CDC20B: variants seen among roughly 807,000 people sequenced by gnomAD.
CDC20B encodes cell division cycle 20B.
In CDC20B, 58 loss-of-function variants were observed where a neutral mutation model predicts 64.1. The ratio of observed to expected loss-of-function variants is 0.90; its 90% confidence interval spans 0.73 to 1.13. The LOEUF is 1.13. CDC20B is among the 50% of genes most tolerant of loss of function. The probability of loss-of-function intolerance (pLI) is 0.00; values close to 1 mark genes in which losing one functional copy is unlikely to be tolerated. For missense variants in CDC20B, 597 were observed against 633.0 expected, an observed-to-expected ratio of 0.94 and a Z score of 0.61; for synonymous variants, 243 against 230.6, an observed-to-expected ratio of 1.05 and a Z score of -0.49.
chr5:55,154,274 TG>T (rs2111911231), intron 2 of CDC20B, among the ~76,000 whole-genome samples: 1 of 152,228 alleles, frequency 6.6e-6, no homozygotes, highest in Non-Finnish European at 1.5e-5. Context: ...CTAAGCATTT[TG>T]GGGGGCCAGT....
intron 9 of CDC20B, among the ~76,000 whole-genome samples, chr5:55,121,533 G>A (rs2111803149): frequency 6.6e-6 from 1 of 152,136 alleles, no homozygotes; most frequent in South Asian, 2.1e-4. Flanking sequence ...TTTTGTGCGT[G>A]TGTTTTATTT....
At chr5:55,145,433 T>C (rs1743443589) in intron 3 of CDC20B, among the ~76,000 whole-genome samples, 1 of 152,252 alleles carries the variant, frequency 6.6e-6, no homozygotes, top group African/African-American at 2.4e-5. Flanking sequence ...AAAAGAATTA[T>C]GTTGCCTAGG....
At chr5:55,133,211 C>G (rs1003839910) in intron 6 of CDC20B, among the ~76,000 whole-genome samples, 1 of 152,148 alleles carries the variant, frequency 6.6e-6, no homozygotes, top group South Asian at 2.1e-4. Context: ...TTTCCCACAC[C>G]ATGCCAACAT....
At chr5:55,147,243 CAT>C (rs1163334873) in intron 2 of CDC20B, among the ~76,000 whole-genome samples, 2 of 113,870 alleles carry the variant, frequency 1.8e-5, no homozygotes, top group African/African-American at 6.9e-5. Flanking sequence ...ATTATATAAA[CAT>C]AAATATGTTA....
At chr5:55,124,678 T>G in intron 9 of CDC20B, 125 bp downstream of exon 9, 1 of 867,744 alleles carries the variant, frequency 1.2e-6, no homozygotes, top group Non-Finnish European at 1.7e-6. Flanking sequence ...GATGACAAAC[T>G]CCAAAGCAAA....
chr5:55,125,520 G>T (rs1742863535), intron 8 of CDC20B, among the ~76,000 whole-genome samples: 1 of 152,110 alleles, frequency 6.6e-6, no homozygotes, highest in African/African-American at 2.4e-5. Context: ...TCTTAGTTTT[G>T]CTAAAGAACT....
At chr5:55,132,331 G>A (rs1470435416) in intron 6 of CDC20B, among the ~76,000 whole-genome samples, 7 of 152,074 alleles carry the variant, frequency 4.6e-5, no homozygotes, top group Non-Finnish European at 1.5e-5. Context: ...CTCATCTAGG[G>A]AGCTTACACT....
At chr5:55,171,903 T>A (rs1744610788) in intron 2 of CDC20B, among the ~76,000 whole-genome samples, 1 of 152,156 alleles carries the variant, frequency 6.6e-6, no homozygotes, top group Non-Finnish European at 1.5e-5. Flanking sequence ...CAGTGCCTAG[T>A]TGCAAAATTT....
At chr5:55,132,158 T>C (rs987065974) in intron 6 of CDC20B, among the ~76,000 whole-genome samples, 4 of 152,204 alleles carry the variant, frequency 2.6e-5, no homozygotes, top group Non-Finnish European at 4.4e-5. Flanking sequence ...TTTTTGAAAA[T>C]CCATCCTTCT....
intron 2 of CDC20B, among the ~76,000 whole-genome samples, chr5:55,157,625 T>C (rs1743852392): frequency 6.6e-6 from 1 of 152,234 alleles, no homozygotes; most frequent in Non-Finnish European, 1.5e-5. Context: ...GCCTGCATAA[T>C]GTTTTATTTC....
Position 55,127,289 on chromosome 5 carries a change from C to A in CDC20B, c.957G>T (p.Gly319=), listed in dbSNP as rs771193908. 3.1e-6 allele frequency: 5 copies of A among 1,613,968 alleles called. No homozygotes were observed. In the African/African-American group the frequency reaches 5.3e-5, roughly 17 times the overall value. Reference sequence around the variant, plus strand: ...GGATAAAGTGATTCCAGCTCAGAGCCCCAACTACTGACAAATGACCAAGCA... The same window carrying A: ...GGATAAAGTGATTCCAGCTCAGAGCACCAACTACTGACAAATGACCAAGCA... The part of the protein sequence containing the change: ...RNMLGHLSVV[G]ALSWNHFILS... The change falls in exon 8 of 12, where the codon GGG becomes GGT. Residue 319 remains glycine, a synonymous_variant. Coordinates refer to ENST00000381375, the MANE Select transcript of CDC20B (RefSeq NM_001170402.1).
At chr5:55,118,586 C>G (rs942828317) in intron 11 of CDC20B, among the ~76,000 whole-genome samples, 10 of 152,134 alleles carry the variant, frequency 6.6e-5, no homozygotes, top group African/African-American at 2.4e-4. Context: ...TGTAAACAAC[C>G]AGGTTTTAAG....
chr5:55,122,525 C>T (rs1742783856), intron 9 of CDC20B, among the ~76,000 whole-genome samples: 1 of 152,182 alleles, frequency 6.6e-6, no homozygotes, highest in African/African-American at 2.4e-5. Flanking sequence ...TTCTGAGCCT[C>T]GCCCATTCCC....
intron 4 of CDC20B, 43 bp downstream of exon 4, chr5:55,143,470 C>G (rs765976968): frequency 6.6e-7 from 1 of 1,521,514 alleles, no homozygotes; most frequent in Non-Finnish European, 8.8e-7. Context: ...GTTGTCTCAG[C>G]TTCTCTAGAT....
At chr5:55,145,474 A>G (rs1208133092) in intron 3 of CDC20B, among the ~76,000 whole-genome samples, 2 of 152,250 alleles carry the variant, frequency 1.3e-5, no homozygotes, top group African/African-American at 4.8e-5. Flanking sequence ...GAATTACATC[A>G]GCTGATGATA....
intron 11 of CDC20B, among the ~76,000 whole-genome samples, chr5:55,119,446 T>C (rs1213336772): frequency 1.3e-5 from 2 of 152,190 alleles, no homozygotes; most frequent in African/African-American, 4.8e-5. Flanking sequence ...ACATAATGTC[T>C]TGCCCTTTCA....
intron 3 of CDC20B, among the ~76,000 whole-genome samples, chr5:55,146,221 A>T (rs535554105): frequency 6.6e-6 from 1 of 152,108 alleles, no homozygotes; most frequent in Non-Finnish European, 1.5e-5. Flanking sequence ...GCTTCAGTCA[A>T]TCACAGGCGG....
At chr5:55,150,271 C>T (rs1010006765) in intron 2 of CDC20B, among the ~76,000 whole-genome samples, 4 of 152,170 alleles carry the variant, frequency 2.6e-5, no homozygotes, top group Admixed American at 2.6e-4. Context: ...ATATTGCTAG[C>T]TGTAAAACAG....
intron 11 of CDC20B, among the ~76,000 whole-genome samples, chr5:55,117,392 C>T (rs1242531142): frequency 6.6e-6 from 1 of 152,194 alleles, no homozygotes; most frequent in Non-Finnish European, 1.5e-5. Flanking sequence ...CAACCCCATA[C>T]ACAGGCACAT....
Sources: allele counts gnomAD v4.1 joint callset (sites outside exome capture counted in the v4.1 genomes callset), GRCh38; gene constraint gnomAD v4.1.1; transcripts MANE v1.5; gene names NCBI Gene and HGNC (gene_info 2026-07-23, HGNC 2026-07-21).